SLC25A12: variants seen among roughly 807,000 people sequenced by gnomAD.
SLC25A12 encodes electrogenic aspartate/glutamate antiporter SLC25A12, mitochondrial.
Under a neutral mutation model 83.3 loss-of-function variants are expected in SLC25A12, and 32 were observed. The ratio of observed to expected loss-of-function variants is 0.38; its 90% CI spans 0.29 to 0.52. The LOEUF is 0.52. Ranked by LOEUF, SLC25A12 falls within the 20% of genes least tolerant of loss-of-function variation. The probability of loss-of-function intolerance (pLI) is 0.84; values close to 1 mark genes in which losing one functional copy is unlikely to be tolerated. For synonymous variants in SLC25A12, 267 were observed against 291.1 expected (o/e 0.92, Z 0.84); for missense variants, 611 against 835.6 (o/e 0.73, Z 3.31).
chr2:171,884,169 T>C (rs375497773), intron 2 of SLC25A12, among the ~76,000 whole-genome samples: 9 of 149,212 alleles, frequency 6.0e-5, no homozygotes, highest in African/African-American at 2.0e-4. Context: ...AATGAGCCAG[T>C]GTGCCCAGCC....
At chr2:171,803,699 T>A (rs1683760306) in intron 13 of SLC25A12, among the ~76,000 whole-genome samples, 1 of 152,058 alleles carries the variant, frequency 6.6e-6, no homozygotes, top group South Asian at 2.1e-4. Flanking sequence ...GGCAGGAAGA[T>A]CACTTGAGGC....
At chr2:171,795,295 T>C (rs1683576324) in intron 13 of SLC25A12, among the ~76,000 whole-genome samples, 1 of 152,182 alleles carries the variant, frequency 6.6e-6, no homozygotes, top group Non-Finnish European at 1.5e-5. Flanking sequence ...CTGACCCAAT[T>C]TTACATGTTG....
chr2:171,877,457 G>C (rs1359879213), intron 2 of SLC25A12, among the ~76,000 whole-genome samples: 1 of 152,052 alleles, frequency 6.6e-6, no homozygotes, highest in Non-Finnish European at 1.5e-5. Context: ...ACGAGCTCAG[G>C]AGTTTGAGAC....
chr2:171,794,143 G>A (rs1683549214), intron 13 of SLC25A12, among the ~76,000 whole-genome samples: 1 of 152,188 alleles, frequency 6.6e-6, no homozygotes, highest in Non-Finnish European at 1.5e-5. Flanking sequence ...GATAGTAAAA[G>A]ACTGTCATAT....
intron 14 of SLC25A12, among the ~76,000 whole-genome samples, chr2:171,793,195 C>T (rs1683521126): frequency 6.6e-6 from 1 of 151,674 alleles, no homozygotes; most frequent in Non-Finnish European, 1.5e-5. Context: ...CTGAATCCTA[C>T]CAAACTCTAC....
rs770249900 is a variant in SLC25A12, at chr2:171,837,102, G to C, written c.612+19C>G. ...AGGTTTGAGGAAATAGAAAGTTAAA[G>C]AACTTGCTTTTTACTTACTGAAACT... On this transcript the variant is annotated intron_variant, in intron 6 of 17. Coordinates refer to ENST00000422440, the MANE Select transcript of SLC25A12 (RefSeq NM_003705.5). 1 of 1,613,136 alleles carries C rather than the reference G, an allele frequency of 6.2e-7. No homozygotes were observed. Among genetic ancestry groups the C allele is most frequent in the South Asian group, 1.1e-5 (1 of 91,034 alleles).
intron 3 of SLC25A12, among the ~76,000 whole-genome samples, chr2:171,866,762 G>C (rs1167569854): frequency 3.6e-5 from 5 of 140,564 alleles, no homozygotes; most frequent in Non-Finnish European, 6.3e-5. Context: ...CCGGGTGGGG[G>C]GCTGACCCCC....
chr2:171,882,493 C>G (rs1007026256), intron 2 of SLC25A12, among the ~76,000 whole-genome samples: 1 of 152,198 alleles, frequency 6.6e-6, no homozygotes, highest in Non-Finnish European at 1.5e-5. Flanking sequence ...ATGGCAAAGC[C>G]TGTTTGAGAA....
At chr2:171,851,174 A>C (rs1442573571) in intron 4 of SLC25A12, among the ~76,000 whole-genome samples, 1 of 151,634 alleles carries the variant, frequency 6.6e-6, no homozygotes, top group African/African-American at 2.4e-5. Flanking sequence ...AACAGACAAC[A>C]GTTTGTTGTG....
At chr2:171,863,781 T>C (rs1255277539) in intron 3 of SLC25A12, among the ~76,000 whole-genome samples, 1 of 152,246 alleles carries the variant, frequency 6.6e-6, no homozygotes, top group Non-Finnish European at 1.5e-5. Flanking sequence ...GAAGGACTTA[T>C]GATAGGTATA....
chr2:171,819,117 A>G (rs922582474), intron 9 of SLC25A12, among the ~76,000 whole-genome samples: 1 of 139,598 alleles, frequency 7.2e-6, no homozygotes. Flanking sequence ...AAATATATAT[A>G]TAATATATAA....
chr2:171,832,748 C>A (rs549385013), intron 8 of SLC25A12, among the ~76,000 whole-genome samples: 2 of 152,276 alleles, frequency 1.3e-5, no homozygotes, highest in East Asian at 3.9e-4. Flanking sequence ...GAAGACACTG[C>A]CCAAAGTATT....
At chr2:171,884,751 G>A (rs1685777379) in intron 2 of SLC25A12, among the ~76,000 whole-genome samples, 1 of 151,120 alleles carries the variant, frequency 6.6e-6, no homozygotes, top group Admixed American at 6.6e-5. Flanking sequence ...CTCCAGCCTG[G>A]GCAACAAGAG....
In SLC25A12 at chr2:171,834,610, A is replaced by T. The variant is rs939565737; in HGVS notation, c.751+117T>A. 12 of 1,174,130 alleles carry T rather than the reference A, an allele frequency of 1.0e-5. No homozygotes were observed. In the Admixed American group the frequency reaches 2.0e-4, roughly 19 times the overall value. The allele number at this position is 1,174,130 out of a possible 1,614,324, so 72.7% of individuals were successfully genotyped here. A position where few individuals can be genotyped will look rare whatever the true frequency, so the allele number is the denominator to read the frequency against. ...GAGCCCAAGTAAAGCATACATACACATGGTAACATACTTTCTAGATCTGGC... is the reference window on the plus strand; with the variant it reads ...GAGCCCAAGTAAAGCATACATACACTTGGTAACATACTTTCTAGATCTGGC... On this transcript the variant is annotated intron_variant, in intron 7 of 17. Transcript: ENST00000422440.
At chr2:171,845,382 C>CA (rs879467144) in intron 4 of SLC25A12, among the ~76,000 whole-genome samples, 113 of 135,482 alleles carry the variant, frequency 8.3e-4, no homozygotes, top group African/African-American at 2.0e-3. Flanking sequence ...AAGCTCATGC[C>CA]AAAAAAAAAA....
chr2:171,819,121 T>A (rs934042201), intron 9 of SLC25A12, among the ~76,000 whole-genome samples: 6 of 140,416 alleles, frequency 4.3e-5, no homozygotes, highest in African/African-American at 1.6e-4. Flanking sequence ...ATATATATAA[T>A]ATATAATACA....
rs1685982960 is a variant in SLC25A12, at chr2:171,893,216, T to C, written c.55A>G (p.Ile19Val). The C allele has an allele frequency of 1.2e-6, 2 of 1,614,092 alleles. No individual in the cohort carries two copies. The highest frequency in any genetic ancestry group is 8.5e-7 in the Non-Finnish European group (1 of 1,179,998). The change falls in exon 2 of 18, where the codon ATA becomes GTA. Residue 19 changes from isoleucine to valine, a missense_variant. Ile to Val is a conservative substitution (Grantham distance 29). Transcript: ENST00000422440. ...KRGDPHELRNIFLQYASTEVD... is the reference protein window; with the variant it reads ...KRGDPHELRNVFLQYASTEVD... ...GCAAGCCAATTTACCTGTAGAAATA[T>C]GTTTCTTAACTCATGAGGATCCCCT...
rs34728188 is a variant in SLC25A12, at chr2:171,890,477, C to CTGTG, written c.66+2724_66+2727dup. Among the ~76,000 whole-genome samples, 760 of 149,304 alleles carry CTGTG rather than the reference C, an allele frequency of 5.1e-3. 7 individuals carry two copies. The highest frequency in any genetic ancestry group is 0.014 in the African/African-American group (568 of 40,682). The stretch of plus-strand genomic sequence containing the variant: ...ACTAGCAATACTGTATCGTGTGTGT[C>CTGTG]TGTGTGTGTGTGTGTGTGTGTGTGT... On this transcript the variant is annotated intron_variant, in intron 2 of 17. Coordinates refer to ENST00000422440, the MANE Select transcript of SLC25A12 (RefSeq NM_003705.5).
intron 4 of SLC25A12, among the ~76,000 whole-genome samples, chr2:171,847,073 A>G (rs1386713148): frequency 6.6e-6 from 1 of 152,184 alleles, no homozygotes; most frequent in Non-Finnish European, 1.5e-5. Context: ...GTCACTTGAC[A>G]GCTTTATATA....
Sources: allele counts gnomAD v4.1 joint callset (sites outside exome capture counted in the v4.1 genomes callset), GRCh38; gene constraint gnomAD v4.1.1; transcripts MANE v1.5; gene names NCBI Gene and HGNC (gene_info 2026-07-23, HGNC 2026-07-21).